AK7: variants seen among roughly 807,000 people sequenced by gnomAD.
AK7 encodes the protein ATP-AMP transphosphorylase 7.
AK7 carries 78 observed loss-of-function variants against 96.6 expected under a neutral mutation model. The observed-to-expected ratio is 0.81, with a 90% CI of 0.67 to 0.97. The LOEUF (loss-of-function observed/expected upper bound fraction) is 0.97, where lower values mean the gene tolerates loss of function less well. Among genes scored for constraint, AK7 ranks in the 50% least tolerant of loss-of-function variants. AK7 has a pLI of 0.00. For missense variants in AK7, 855 were observed against 887.9 expected (o/e 0.96, Z 0.47); for synonymous variants, 302 against 317.2 (o/e 0.95, Z 0.51).
chr14:96,449,347 A>C (rs1893442572), intron 8 of AK7, among the ~76,000 whole-genome samples: 1 of 152,166 alleles, frequency 6.6e-6, no homozygotes, highest in South Asian at 2.1e-4. Flanking sequence ...CCTGGGCCAC[A>C]CTCATCGTTA....
At chr14:96,397,935 A>T in intron 1 of AK7, 140 bp from the exon 2 acceptor site, 1 of 766,456 alleles carries the variant, frequency 1.3e-6, no homozygotes, top group East Asian at 2.5e-5. Flanking sequence ...CTTAAATGAG[A>T]TGACAGTGTG....
At chr14:96,459,700 A>C (rs888848530) in intron 12 of AK7, among the ~76,000 whole-genome samples, 2 of 151,936 alleles carry the variant, frequency 1.3e-5, no homozygotes, top group Non-Finnish European at 1.5e-5. Flanking sequence ...CAAGATGATG[A>C]AACCCGTCTC....
intron 6 of AK7, 113 bp downstream of exon 6, chr14:96,438,028 A>G: frequency 1.2e-6 from 1 of 800,382 alleles, no homozygotes; most frequent in Non-Finnish European, 2.0e-6. Flanking sequence ...GAATAGCAGA[A>G]GATGAAGGCA....
chr14:96,424,215 G>C, intron 5 of AK7: 1 of 505,778 alleles, frequency 2.0e-6, no homozygotes, highest in Non-Finnish European at 3.6e-6. Context: ...GTTCACCCGC[G>C]TGGCGGGGCC....
Position 96,437,870 on chromosome 14 carries a change from A to G in AK7, c.645A>G (p.Gly215=). 4.3e-6 allele frequency: 7 copies of G among 1,613,086 alleles called. No individual in the cohort carries two copies. Among genetic ancestry groups the G allele is most frequent in the Non-Finnish European group, 5.9e-6 (7 of 1,179,608 alleles). ...TTGCAGCATACGTAGTTGCTGCTGG[A>G]CTCCAGTATGGAGCGGAAGGAGGCA... The part of the protein sequence containing the change: ...RKFAAYVVAA[G]LQYGAEGGML... The change falls in exon 6 of 18, where the codon GGA becomes GGG. Residue 215 remains glycine, a synonymous_variant. Transcript: ENST00000267584.
chr14:96,409,055 A>C, intron 4 of AK7, 114 bp downstream of exon 4: 2 of 1,007,674 alleles, frequency 2.0e-6, no homozygotes, highest in Non-Finnish European at 2.9e-6. Flanking sequence ...CCTGAATCCT[A>C]TCCCATAATA....
chr14:96,414,054 A>C (rs1891189378), intron 4 of AK7, among the ~76,000 whole-genome samples: 6 of 152,208 alleles, frequency 3.9e-5, no homozygotes, highest in African/African-American at 1.4e-4. Context: ...ACCTACCCCC[A>C]AAATGTAGAG....
chr14:96,421,162 A>G (rs1891666787), intron 5 of AK7, among the ~76,000 whole-genome samples: 1 of 152,172 alleles, frequency 6.6e-6, no homozygotes, highest in Non-Finnish European at 1.5e-5. Flanking sequence ...GTGTCTGAAA[A>G]GCTGTTTGGC....
chr14:96,394,703 C>A (rs1284451959), intron 1 of AK7, among the ~76,000 whole-genome samples: 1 of 152,174 alleles, frequency 6.6e-6, no homozygotes, highest in Non-Finnish European at 1.5e-5. Flanking sequence ...AGGCTGGGCA[C>A]AGTGGCTCAT....
chr14:96,463,627 G>A (rs1178944117), intron 12 of AK7, among the ~76,000 whole-genome samples: 1 of 150,228 alleles, frequency 6.7e-6, no homozygotes, highest in African/African-American at 2.5e-5. Context: ...GGCTGAGGCA[G>A]GAGAATGGTG....
At chr14:96,482,286 G>T (rs1285020401) in intron 15 of AK7, among the ~76,000 whole-genome samples, 1 of 152,188 alleles carries the variant, frequency 6.6e-6, no homozygotes, top group Non-Finnish European at 1.5e-5. Context: ...GGGCACAGCA[G>T]TGACTATGAA....
chr14:96,432,787 A>G (rs7158048), intron 5 of AK7, among the ~76,000 whole-genome samples: 48,862 of 149,848 alleles, frequency 0.33, 8,279 homozygotes, highest in Middle Eastern at 0.4. Flanking sequence ...GAATGAGACC[A>G]TCCTGGCTAA....
At chr14:96,395,001 A>G (rs1889982380) in intron 1 of AK7, among the ~76,000 whole-genome samples, 1 of 152,142 alleles carries the variant, frequency 6.6e-6, no homozygotes, top group South Asian at 2.1e-4. Context: ...TATAGAGAAG[A>G]CAGTCGAAAC....
chr14:96,468,520 A>G (rs888191488), intron 12 of AK7, among the ~76,000 whole-genome samples: 1 of 151,632 alleles, frequency 6.6e-6, no homozygotes, highest in African/African-American at 2.4e-5. Context: ...GATGGTCTCA[A>G]TCTTCTGACC....
At chr14:96,483,261 CA>C in intron 16 of AK7, 42 bp downstream of exon 16, 1 of 1,550,730 alleles carries the variant, frequency 6.4e-7, no homozygotes, top group Non-Finnish European at 8.7e-7. Context: ...ATCTGTGGAA[CA>C]GGGGTGCGGT....
At chr14:96,404,039 G>T (rs1486303846) in intron 2 of AK7, among the ~76,000 whole-genome samples, 1 of 151,720 alleles carries the variant, frequency 6.6e-6, no homozygotes, top group Non-Finnish European at 1.5e-5. Flanking sequence ...AGCTACTTGG[G>T]AGGCTGAGGT....
intron 5 of AK7, among the ~76,000 whole-genome samples, chr14:96,427,689 C>G (rs1892109101): frequency 6.6e-6 from 1 of 152,164 alleles, no homozygotes; most frequent in South Asian, 2.1e-4. Flanking sequence ...CCACTATTGT[C>G]CCTTTGAATA....
At chr14:96,415,136 C>A (rs190829430) in intron 4 of AK7, among the ~76,000 whole-genome samples, 1 of 151,900 alleles carries the variant, frequency 6.6e-6, no homozygotes, top group African/African-American at 2.4e-5. Context: ...GGGGAAGGGA[C>A]CCCTCACCAC....
intron 6 of AK7, among the ~76,000 whole-genome samples, chr14:96,442,338 A>T (rs1595418748): frequency 6.6e-6 from 1 of 152,198 alleles, no homozygotes; most frequent in African/African-American, 2.4e-5. Context: ...TTTTTGTGAG[A>T]ATTAAGACAT....
Sources: gnomAD v4.1 joint callset for allele counts (sites outside exome capture counted in the v4.1 genomes callset) on GRCh38, gnomAD v4.1.1 for gene constraint, MANE v1.5 for transcripts, NCBI Gene and HGNC (gene_info 2026-07-23, HGNC 2026-07-21) for gene names.